PPP1R1C: variants seen among roughly 807,000 people sequenced by gnomAD.
PPP1R1C encodes the protein protein phosphatase 1 regulatory subunit 1C.
A neutral mutation model predicts 17.4 loss-of-function variants in PPP1R1C; 15 were observed. The observed-to-expected ratio is 0.86, with a 90% CI of 0.58 to 1.33. The LOEUF (loss-of-function observed/expected upper bound fraction) is 1.33. PPP1R1C is among the 40% of genes most tolerant of loss of function. PPP1R1C has a pLI of 0.00. For missense variants in PPP1R1C, 143 were observed against 130.0 expected (o/e 1.10, Z -0.48); for synonymous variants, 35 against 43.1 (o/e 0.81, Z 0.73).
chr2:182,022,979 T>C (rs1012610865), intron 2 of PPP1R1C, among the ~76,000 whole-genome samples: 6 of 152,206 alleles, frequency 3.9e-5, no homozygotes, highest in South Asian at 2.1e-4. Flanking sequence ...GGCAAGAAGA[T>C]AATAAATTAA....
chr2:182,012,362 T>A (rs965786271), intron 2 of PPP1R1C, among the ~76,000 whole-genome samples: 1 of 152,092 alleles, frequency 6.6e-6, no homozygotes, highest in Non-Finnish European at 1.5e-5. Flanking sequence ...ATAATGACCC[T>A]CTTTGTCTCT....
chr2:182,055,030 C>A (rs973878536), intron 2 of PPP1R1C, among the ~76,000 whole-genome samples: 2 of 151,968 alleles, frequency 1.3e-5, no homozygotes, highest in Admixed American at 1.3e-4. Flanking sequence ...TTAGGACTTA[C>A]ATCTACCATT....
chr2:182,093,766 A>G (rs531248266), intron 4 of PPP1R1C, among the ~76,000 whole-genome samples: 10 of 152,168 alleles, frequency 6.6e-5, no homozygotes, highest in Non-Finnish European at 1.5e-4. Flanking sequence ...CCAATTCCCA[A>G]TAAGTTCCTC....
At chr2:181,989,360 A>G (rs1685392266) in intron 2 of PPP1R1C, among the ~76,000 whole-genome samples, 1 of 152,354 alleles carries the variant, frequency 6.6e-6, no homozygotes, top group African/African-American at 2.4e-5. Context: ...GGATGAGGAA[A>G]GTGTGTATCA....
intron 2 of PPP1R1C, among the ~76,000 whole-genome samples, chr2:182,012,152 T>A (rs932843969): frequency 6.6e-6 from 1 of 151,980 alleles, no homozygotes; most frequent in Non-Finnish European, 1.5e-5. Context: ...AAATTAGGTG[T>A]TATGTTTCTT....
At chr2:181,983,509 C>A (rs999304185), upstream of PPP1R1C, among the ~76,000 whole-genome samples, 1 of 151,908 alleles carries the variant, frequency 6.6e-6, no homozygotes, top group African/African-American at 2.4e-5. Flanking sequence ...GAAAATTATA[C>A]CCCCCATGCA....
chr2:182,080,410 A>G (rs1187943263), intron 4 of PPP1R1C, among the ~76,000 whole-genome samples: 1 of 152,220 alleles, frequency 6.6e-6, no homozygotes, highest in Non-Finnish European at 1.5e-5. Flanking sequence ...CTTTGTTGCC[A>G]TAACTAATCA....
chr2:182,089,540 A>T (rs556319914), intron 4 of PPP1R1C, among the ~76,000 whole-genome samples: 1 of 152,268 alleles, frequency 6.6e-6, no homozygotes, highest in East Asian at 1.9e-4. Flanking sequence ...AATAATCATA[A>T]TTGTTTATGG....
At chr2:182,013,105 T>C (rs1192717115) in intron 2 of PPP1R1C, among the ~76,000 whole-genome samples, 1 of 152,160 alleles carries the variant, frequency 6.6e-6, no homozygotes, top group East Asian at 1.9e-4. Flanking sequence ...TTCTGTGTAC[T>C]TACCATTTCC....
rs1689514309 is a variant in PPP1R1C, at chr2:182,114,129, T to C, written c.242-3078T>C. ...CTTCTAAATGGTCCCTTTTCCTGTG[T>C]GCTCATTTTGCTTCGAAGAAAAGAA... On this transcript the variant is annotated intron_variant, in intron 4 of 4. Coordinates refer to ENST00000682840, the MANE Select transcript of PPP1R1C (RefSeq NM_001080545.3). Among the ~76,000 whole-genome samples, 3 of 152,218 alleles carry C rather than the reference T, an allele frequency of 2.0e-5. No individual in the cohort carries two copies. The South Asian group carries it at 6.2e-4, about 31-fold the overall frequency.
chr2:182,130,788 G>T (rs1473894199), downstream of PPP1R1C: 1 of 152,060 alleles, frequency 6.6e-6, no homozygotes, highest in Non-Finnish European at 1.5e-5. Flanking sequence ...TGTTACATTT[G>T]TCAAGTGTTT....
chr2:182,062,190 A>C (rs974823422), intron 3 of PPP1R1C, among the ~76,000 whole-genome samples: 25 of 152,128 alleles, frequency 1.6e-4, no homozygotes, highest in African/African-American at 6.0e-4. Flanking sequence ...GCAATACTTA[A>C]AGAGAAAAAT....
chr2:182,003,194 T>C (rs549141948), intron 2 of PPP1R1C, among the ~76,000 whole-genome samples: 39 of 152,306 alleles, frequency 2.6e-4, no homozygotes, highest in African/African-American at 8.7e-4. Context: ...CTGCTCTGCA[T>C]AATCTTGCCT....
chr2:181,979,751 A>T (rs1685160686), intron 2 of PPP1R1C, among the ~76,000 whole-genome samples: 1 of 152,234 alleles, frequency 6.6e-6, no homozygotes, highest in Non-Finnish European at 1.5e-5. Context: ...GAGGCGATGG[A>T]GCCTGTCTCT....
At chr2:182,052,318 A>G (rs1443443868) in intron 2 of PPP1R1C, among the ~76,000 whole-genome samples, 2 of 152,204 alleles carry the variant, frequency 1.3e-5, no homozygotes, top group African/African-American at 4.8e-5. Flanking sequence ...GTATCATTGA[A>G]CACAAATCTA....
chr2:182,066,551 G>T (rs1315657482), intron 4 of PPP1R1C, among the ~76,000 whole-genome samples: 2 of 151,862 alleles, frequency 1.3e-5, no homozygotes, highest in Non-Finnish European at 2.9e-5. Flanking sequence ...ATTATATCAG[G>T]GTTCCATCCC....
At chr2:182,027,637 A>G (rs1303101470) in intron 2 of PPP1R1C, among the ~76,000 whole-genome samples, 1 of 140,682 alleles carries the variant, frequency 7.1e-6, no homozygotes, top group Non-Finnish European at 1.5e-5. Flanking sequence ...GGATTTTTGC[A>G]TCAATGTTCA....
chr2:182,087,869 A>G (rs575086441), intron 4 of PPP1R1C, among the ~76,000 whole-genome samples: 74 of 152,336 alleles, frequency 4.9e-4, no homozygotes, highest in African/African-American at 1.8e-3. Flanking sequence ...AAAGCTTTAT[A>G]AGCTACACAA....
intron 1 of PPP1R1C, among the ~76,000 whole-genome samples, chr2:181,965,355 C>T (rs1471310059): frequency 1.3e-5 from 2 of 152,082 alleles, no homozygotes; most frequent in African/African-American, 2.4e-5. Context: ...TCAGATATTA[C>T]TCAAGAAATC....
Sources: gnomAD v4.1 joint callset for allele counts (sites outside exome capture counted in the v4.1 genomes callset) on GRCh38, gnomAD v4.1.1 for gene constraint, MANE v1.5 for transcripts, NCBI Gene and HGNC (gene_info 2026-07-23, HGNC 2026-07-21) for gene names.